PLSCR2: variants seen among roughly 807,000 people sequenced by gnomAD.
PLSCR2 encodes phospholipid scramblase 2, also known as PL scramblase 2.
In PLSCR2, 18 loss-of-function variants were observed where a neutral mutation model predicts 25.3. That is an observed-to-expected ratio of 0.71 (90% CI 0.49 to 1.06). The LOEUF (loss-of-function observed/expected upper bound fraction) is 1.06. Ranked by LOEUF, PLSCR2 falls within the 50% of genes least tolerant of loss-of-function variation. The pLI, the probability that PLSCR2 is intolerant of heterozygous loss-of-function variation, is 0.00. For synonymous variants in PLSCR2, 88 were observed against 87.3 expected (o/e 1.01, Z -0.04); for missense variants, 243 against 269.5 (o/e 0.90, Z 0.69).
intron 8 of PLSCR2, among the ~76,000 whole-genome samples, chr3:146,436,309 G>GA (rs954938235): frequency 2.0e-5 from 3 of 152,176 alleles, no homozygotes; most frequent in Non-Finnish European, 4.4e-5. Context: ...ATTCTGTGAA[G>GA]AAAGTTCATT....
intron 2 of PLSCR2, among the ~76,000 whole-genome samples, chr3:146,402,101 AG>A (rs1432241799): frequency 1.3e-5 from 2 of 152,024 alleles, no homozygotes; most frequent in Non-Finnish European, 1.5e-5. Flanking sequence ...AACTTAAAAA[AG>A]TTTTAGGCAT....
intron 4 of PLSCR2, 76 bp downstream of exon 4, chr3:146,455,163 A>T: frequency 2.1e-6 from 2 of 946,964 alleles, no homozygotes; most frequent in Non-Finnish European, 3.4e-6. Flanking sequence ...ATTTCATTTG[A>T]TTATACAGAT....
chr3:146,460,560 A>C (rs895969660), upstream of PLSCR2, among the ~76,000 whole-genome samples: 2 of 152,152 alleles, frequency 1.3e-5, no homozygotes, highest in Non-Finnish European at 2.9e-5. Flanking sequence ...CTATATGTAT[A>C]GAAGTCAATG....
intron 2 of PLSCR2, among the ~76,000 whole-genome samples, chr3:146,407,473 G>C (rs1220696878): frequency 6.6e-6 from 1 of 152,230 alleles, no homozygotes; most frequent in Admixed American, 6.5e-5. Context: ...CTTCTGGCAA[G>C]TTTTCTCGGA....
intron 6 of PLSCR2, among the ~76,000 whole-genome samples, chr3:146,447,949 G>A (rs956585907): frequency 6.6e-6 from 1 of 152,114 alleles, no homozygotes; most frequent in African/African-American, 2.4e-5. Flanking sequence ...GTTACTTTCT[G>A]TTATGACAGG....
chr3:146,425,118 G>A (rs2039297045), intron 2 of PLSCR2, among the ~76,000 whole-genome samples: 1 of 152,064 alleles, frequency 6.6e-6, no homozygotes, highest in African/African-American at 2.4e-5. Flanking sequence ...TGCCTGATAA[G>A]TGCTTAGTTA....
At chr3:146,492,054 G>A (rs983865665) in intron 1 of PLSCR2, among the ~76,000 whole-genome samples, 1 of 152,082 alleles carries the variant, frequency 6.6e-6, no homozygotes, top group African/African-American at 2.4e-5. Flanking sequence ...TGTGTTATAA[G>A]TTGGGTTTAG....
At chr3:146,393,501 T>C (rs2038166514) in intron 3 of PLSCR2, among the ~76,000 whole-genome samples, 1 of 151,920 alleles carries the variant, frequency 6.6e-6, no homozygotes, top group Non-Finnish European at 1.5e-5. Context: ...GAAAAATGTG[T>C]GTTGTCTAAT....
chr3:146,446,097 T>G (rs1038641721), intron 6 of PLSCR2, among the ~76,000 whole-genome samples: 1 of 152,192 alleles, frequency 6.6e-6, no homozygotes, highest in Non-Finnish European at 1.5e-5. Context: ...ACAACTATTT[T>G]GAATTCTCTG....
downstream of PLSCR2, among the ~76,000 whole-genome samples, chr3:146,431,368 CA>C (rs1343817825): frequency 6.6e-6 from 1 of 152,156 alleles, no homozygotes; most frequent in East Asian, 1.9e-4. Flanking sequence ...TTCTCCATCC[CA>C]CAACTCCCTT....
At chr3:146,452,897 A>G (rs2040983084) in intron 5 of PLSCR2, among the ~76,000 whole-genome samples, 1 of 151,884 alleles carries the variant, frequency 6.6e-6, no homozygotes, top group Non-Finnish European at 1.5e-5. Context: ...CCACACACCC[A>G]TATATACCCA....
At chr3:146,468,753 T>TA (rs1460282799) in intron 1 of PLSCR2, among the ~76,000 whole-genome samples, 4 of 152,238 alleles carry the variant, frequency 2.6e-5, no homozygotes, top group Non-Finnish European at 2.9e-5. Context: ...AGTAACTAGC[T>TA]GAATTGAAAT....
chr3:146,410,144 G>A (rs1448799046), intron 2 of PLSCR2, among the ~76,000 whole-genome samples: 1 of 151,696 alleles, frequency 6.6e-6, no homozygotes. Flanking sequence ...TGGAGACGCT[G>A]AACTTGCTGT....
intron 2 of PLSCR2, among the ~76,000 whole-genome samples, chr3:146,422,688 A>G (rs2039191291): frequency 6.6e-6 from 1 of 152,140 alleles, no homozygotes; most frequent in Non-Finnish European, 1.5e-5. Flanking sequence ...CTTAGTGAGC[A>G]AGCTGGTCAA....
intron 2 of PLSCR2, among the ~76,000 whole-genome samples, chr3:146,413,152 T>C (rs2038910300): frequency 6.6e-6 from 1 of 152,110 alleles, no homozygotes; most frequent in Admixed American, 6.5e-5. Context: ...GGATCCATCT[T>C]CCAAAAACAT....
downstream of PLSCR2, among the ~76,000 whole-genome samples, chr3:146,441,494 G>T (rs908437881): frequency 6.6e-6 from 1 of 151,780 alleles, no homozygotes; most frequent in African/African-American, 2.4e-5. Context: ...AGGAAGTTTT[G>T]TATCTAAATT....
chr3:146,426,149 CCT>C (rs767846234), intron 2 of PLSCR2, among the ~76,000 whole-genome samples: 3 of 151,442 alleles, frequency 2.0e-5, no homozygotes, highest in Admixed American at 6.6e-5. Flanking sequence ...TCTATTCCTC[CCT>C]CTCTGTTTCC....
At chr3:146,481,452 C>G (rs903452808) in intron 1 of PLSCR2, among the ~76,000 whole-genome samples, 2 of 151,958 alleles carry the variant, frequency 1.3e-5, no homozygotes, top group Non-Finnish European at 2.9e-5. Context: ...AACAGACAGC[C>G]AAGTCATCAG....
downstream of PLSCR2, among the ~76,000 whole-genome samples, chr3:146,440,463 C>A (rs1324475467): frequency 3.3e-5 from 5 of 152,208 alleles, no homozygotes; most frequent in Non-Finnish European, 5.9e-5. Context: ...CCTACTCAAG[C>A]CTCAGCAATG....
Sources: gnomAD v4.1 joint callset for allele counts (sites outside exome capture counted in the v4.1 genomes callset) on GRCh38, gnomAD v4.1.1 for gene constraint, MANE v1.5 for transcripts, NCBI Gene and HGNC (gene_info 2026-07-23, HGNC 2026-07-21) for gene names.